CCDC68: variants seen among roughly 807,000 people sequenced by gnomAD.
The protein encoded by CCDC68 is coiled-coil domain-containing protein 68.
CCDC68 carries 45 observed loss-of-function variants against 47.1 expected under a neutral mutation model. The ratio of observed to expected loss-of-function variants is 0.96; its 90% CI spans 0.75 to 1.23. The LOEUF is 1.23. Ranked by LOEUF, CCDC68 falls within the 50% of genes most tolerant of loss-of-function variation. The probability of loss-of-function intolerance (pLI) is 0.00; values close to 1 mark genes in which losing one functional copy is unlikely to be tolerated. For synonymous variants in CCDC68, 131 were observed against 129.5 expected, an observed-to-expected ratio of 1.01 and a Z score of -0.08; for missense variants, 353 against 373.6, an observed-to-expected ratio of 0.94 and a Z score of 0.45.
At chr18:54,947,321 G>A (rs958997585) in intron 1 of CCDC68, among the ~76,000 whole-genome samples, 1 of 152,208 alleles carries the variant, frequency 6.6e-6, no homozygotes, top group Non-Finnish European at 1.5e-5. Flanking sequence ...GGGCTCCCAG[G>A]GAGGAGGCAG....
intron 1 of CCDC68, among the ~76,000 whole-genome samples, chr18:54,951,182 A>C (rs8093247): frequency 0.36 from 54,200 of 151,152 alleles, 10,056 homozygotes; most frequent in East Asian, 0.58. Context: ...TGCTGGGATT[A>C]CAGGCGTGAG....
chr18:54,910,881 G>A (rs955351123), intron 10 of CCDC68, among the ~76,000 whole-genome samples: 14 of 152,258 alleles, frequency 9.2e-5, no homozygotes, highest in African/African-American at 2.9e-4. Flanking sequence ...GGAGAAGCCA[G>A]GCAGTGGGAG....
intron 10 of CCDC68, among the ~76,000 whole-genome samples, chr18:54,909,502 C>T (rs1284807840): frequency 1.3e-5 from 2 of 151,454 alleles, no homozygotes; most frequent in Non-Finnish European, 2.9e-5. Context: ...GCCAGTGGCG[C>T]CTTTGCCAGA....
chr18:54,907,748 G>T, intron 11 of CCDC68, 38 bp downstream of exon 11: 1 of 1,122,584 alleles, frequency 8.9e-7, no homozygotes, highest in Non-Finnish European at 1.4e-6. Context: ...GTTCAACATA[G>T]GTTGTGAAGA....
At chr18:54,951,803 G>C (rs2044624333) in intron 1 of CCDC68, among the ~76,000 whole-genome samples, 1 of 152,196 alleles carries the variant, frequency 6.6e-6, no homozygotes, top group African/African-American at 2.4e-5. Context: ...TGGCTGCATG[G>C]CTTAAAAACA....
At chr18:54,920,336 G>T (rs780361968) in intron 8 of CCDC68, among the ~76,000 whole-genome samples, 1 of 149,158 alleles carries the variant, frequency 6.7e-6, no homozygotes, top group African/African-American at 2.5e-5. Context: ...TTGGCTCACC[G>T]CAACCACCAC....
At position 54,917,914 on chromosome 18, in the gene CCDC68, T is replaced by C. The variant is rs753561646; in HGVS notation, c.872A>G (p.Gln291Arg). 3 of 1,567,810 alleles carry C rather than the reference T, an allele frequency of 1.9e-6. No individual in the cohort carries two copies. In the East Asian group the frequency reaches 6.7e-5, roughly 35 times the overall value. ...LREKVNILEA[Q>R]NKELKTQVAL... is the part of the protein sequence containing the mutation. ...ATGTAAGACAGGTTCCCTCCTTACC[T>C]GGGCTTCAAGTATGTTAACCTTTTC... Residue 291 changes from glutamine to arginine, a missense_variant and splice_region_variant, in exon 10 of 12, where the codon CAG (glutamine) becomes CGG (arginine). Transcript: ENST00000591504.
chr18:54,925,714 A>C (rs760117082), intron 8 of CCDC68, among the ~76,000 whole-genome samples: 1 of 152,100 alleles, frequency 6.6e-6, no homozygotes, highest in Non-Finnish European at 1.5e-5. Flanking sequence ...ATCTGTGGGG[A>C]CTCATACTGC....
At chr18:54,904,522 A>T in intron 11 of CCDC68, 107 bp from the exon 12 acceptor site, 1 of 830,686 alleles carries the variant, frequency 1.2e-6, no homozygotes, top group Non-Finnish European at 2.0e-6. Context: ...TCAAATCTGA[A>T]CTAACTGCTT....
chr18:54,934,715 T>A, intron 7 of CCDC68, 105 bp downstream of exon 7: 1 of 834,108 alleles, frequency 1.2e-6, no homozygotes, highest in Non-Finnish European at 1.7e-6. Flanking sequence ...TTTCACATAA[T>A]ATTATCTTAT....
intron 7 of CCDC68, among the ~76,000 whole-genome samples, chr18:54,933,775 ATC>A (rs2044302130): frequency 6.6e-6 from 1 of 152,260 alleles, no homozygotes; most frequent in Non-Finnish European, 1.5e-5. Flanking sequence ...GCTGAATATT[ATC>A]TTAGAGCCAC....
chr18:54,915,970 T>C (rs1055625041), intron 10 of CCDC68, among the ~76,000 whole-genome samples: 2 of 152,034 alleles, frequency 1.3e-5, no homozygotes, highest in South Asian at 4.1e-4. Context: ...TATTGCTACA[T>C]GTAATAATAT....
intron 7 of CCDC68, among the ~76,000 whole-genome samples, chr18:54,934,562 C>G (rs1253965276): frequency 6.6e-6 from 1 of 152,008 alleles, no homozygotes. Context: ...CACATATTTC[C>G]TAGAAAGAGA....
intron 7 of CCDC68, among the ~76,000 whole-genome samples, chr18:54,930,653 C>CCCTT (rs1426771531): frequency 5.5e-5 from 1 of 18,346 alleles, no homozygotes; most frequent in African/African-American, 1.7e-4. Context: ...CTCCCTCCCT[C>CCCTT]CCTTCCTTCC....
chr18:54,907,890 A>C, intron 10 of CCDC68, 28 bp from the exon 11 acceptor site: 1 of 1,270,266 alleles, frequency 7.9e-7, no homozygotes, highest in Non-Finnish European at 1.2e-6. Flanking sequence ...TGCAGACGTC[A>C]AATAGCTAAC....
chr18:54,918,017 T>C lies in CCDC68; in HGVS notation c.790-21A>G, dbSNP rs1223938179. On this transcript the variant is annotated intron_variant, in intron 9 of 11. Coordinates refer to ENST00000591504, the MANE Select transcript of CCDC68 (RefSeq NM_025214.3). Reference sequence around the variant, plus strand: ...TCCATCTAAGAATTAGAAAACACAATAGGAAAAACCTTGTCAGACCACAGG... The same window carrying C: ...TCCATCTAAGAATTAGAAAACACAACAGGAAAAACCTTGTCAGACCACAGG... 6.2e-6 allele frequency: 7 copies of C among 1,123,850 alleles called. No individual in the cohort carries two copies. The Admixed American group carries it at 1.4e-4, about 23-fold the overall frequency. 69.6% of individuals were successfully genotyped at this position (1,123,850 alleles called of 1,614,324 possible).
In CCDC68 at chr18:54,958,957, A is replaced by T. The variant is rs535218892; in HGVS notation, c.-103+379T>A. On this transcript the variant is annotated intron_variant, in intron 1 of 11. Transcript: ENST00000591504. ...GCCACCACGCTGGAGTTCCTAGGTC[A>T]GGGCGTTTACCGCAGGACTTTTCTC... Among the ~76,000 whole-genome samples, 4 of 152,354 alleles carry T rather than the reference A, an allele frequency of 2.6e-5. No individual in the cohort carries two copies. In the South Asian group the frequency reaches 8.3e-4, roughly 32 times the overall value.
At chr18:54,906,412 CA>C (rs1294351935) in intron 11 of CCDC68, among the ~76,000 whole-genome samples, 1 of 151,726 alleles carries the variant, frequency 6.6e-6, no homozygotes, top group African/African-American at 2.4e-5. Context: ...AAGCGTTGGC[CA>C]AAAAAAGCAT....
chr18:54,911,248 C>T (rs1305248441), intron 10 of CCDC68, among the ~76,000 whole-genome samples: 1 of 151,970 alleles, frequency 6.6e-6, no homozygotes, highest in East Asian at 1.9e-4. Context: ...CAGGGTTTCA[C>T]CATGTTGGCC....
Sources: gnomAD v4.1 joint callset for allele counts (sites outside exome capture counted in the v4.1 genomes callset) on GRCh38, gnomAD v4.1.1 for gene constraint, MANE v1.5 for transcripts, NCBI Gene and HGNC (gene_info 2026-07-23, HGNC 2026-07-21) for gene names.